FNIP1: variants seen among roughly 807,000 people sequenced by gnomAD.
The protein encoded by FNIP1 is folliculin-interacting protein 1.
Under a neutral mutation model 124.5 loss-of-function variants are expected in FNIP1, and 40 were observed. The ratio of observed to expected loss-of-function variants is 0.32; its 90% confidence interval spans 0.25 to 0.42. The LOEUF is 0.42. FNIP1 is among the 10% of genes least tolerant of loss of function. FNIP1 has a pLI of 1.00. For synonymous variants in FNIP1, 472 were observed against 470.6 expected, an observed-to-expected ratio of 1.00 and a Z score of -0.04; for missense variants, 1,176 against 1,403.7, an observed-to-expected ratio of 0.84 and a Z score of 2.59.
chr5:131,710,342 G>A (rs749705783), intron 7 of FNIP1, among the ~76,000 whole-genome samples: 1 of 152,170 alleles, frequency 6.6e-6, no homozygotes, highest in Non-Finnish European at 1.5e-5. Flanking sequence ...TGCCACAAGA[G>A]AAATGACAAA....
At chr5:131,682,335 A>C (rs929470519) in intron 11 of FNIP1, among the ~76,000 whole-genome samples, 1 of 152,230 alleles carries the variant, frequency 6.6e-6, no homozygotes. Flanking sequence ...CTATGGCCTC[A>C]GAGTGTTATC....
chr5:131,745,539 T>C (rs1770648314), intron 1 of FNIP1, among the ~76,000 whole-genome samples: 1 of 151,952 alleles, frequency 6.6e-6, no homozygotes, highest in African/African-American at 2.4e-5. Flanking sequence ...AAATAAAAAA[T>C]AAATAAATTG....
intron 1 of FNIP1, among the ~76,000 whole-genome samples, chr5:131,745,923 A>C (rs1770662228): frequency 1.3e-5 from 2 of 152,246 alleles, no homozygotes; most frequent in Admixed American, 1.3e-4. Flanking sequence ...ATTTTCTAGG[A>C]GTAAGGTGGA....
intron 3 of FNIP1, among the ~76,000 whole-genome samples, chr5:131,724,758 G>A (rs948860278): frequency 1.3e-5 from 2 of 152,142 alleles, no homozygotes. Context: ...TGCTGTTTTA[G>A]TCATAAAGTC....
intron 1 of FNIP1, among the ~76,000 whole-genome samples, chr5:131,780,891 T>C (rs1399565555): frequency 1.3e-5 from 2 of 152,172 alleles, no homozygotes; most frequent in Non-Finnish European, 2.9e-5. Flanking sequence ...TCTCTCACTG[T>C]AAATCAAAAG....
At chr5:131,701,054 G>A (rs1768884863) in intron 10 of FNIP1, among the ~76,000 whole-genome samples, 1 of 152,208 alleles carries the variant, frequency 6.6e-6, no homozygotes, top group Non-Finnish European at 1.5e-5. Context: ...ATTGGGTCGA[G>A]CAAGCAAGTG....
chr5:131,760,264 G>A (rs1771183068), intron 1 of FNIP1, among the ~76,000 whole-genome samples: 3 of 151,792 alleles, frequency 2.0e-5, no homozygotes, highest in Admixed American at 2.0e-4. Context: ...AGAAATCAGG[G>A]TGTTAATTTT....
chr5:131,727,422 G>A (rs1045021707), intron 3 of FNIP1, among the ~76,000 whole-genome samples: 2 of 152,052 alleles, frequency 1.3e-5, no homozygotes, highest in South Asian at 2.1e-4. Flanking sequence ...ATTATGTAAT[G>A]CCCTTCTTTG....
chr5:131,676,055 A>G (rs916993445), intron 13 of FNIP1, among the ~76,000 whole-genome samples: 2 of 138,884 alleles, frequency 1.4e-5, no homozygotes, highest in African/African-American at 5.5e-5. Context: ...AGAGTCTTGC[A>G]CTGTTGCCCA....
At chr5:131,750,014 A>G (rs1770816870) in intron 1 of FNIP1, among the ~76,000 whole-genome samples, 1 of 152,174 alleles carries the variant, frequency 6.6e-6, no homozygotes, top group African/African-American at 2.4e-5. Context: ...ATTTCCAGGC[A>G]ATGCTGTACA....
intron 1 of FNIP1, among the ~76,000 whole-genome samples, chr5:131,766,616 A>C (rs2149575035): frequency 6.6e-6 from 1 of 152,358 alleles, no homozygotes; most frequent in East Asian, 1.9e-4. Context: ...GAGATTACAG[A>C]GGCTGAGAAG....
intron 10 of FNIP1, 140 bp downstream of exon 10, chr5:131,703,925 A>G (rs890909904): frequency 1.4e-5 from 9 of 633,386 alleles, no homozygotes; most frequent in Non-Finnish European, 2.4e-5. Context: ...AAAGGGTTCA[A>G]TCTATTTGCA....
chr5:131,701,345 A>G (rs1208378673), intron 10 of FNIP1, among the ~76,000 whole-genome samples: 3 of 152,188 alleles, frequency 2.0e-5, no homozygotes, highest in Non-Finnish European at 2.9e-5. Flanking sequence ...AACACTTGAA[A>G]AGTAATCTTT....
intron 1 of FNIP1, among the ~76,000 whole-genome samples, chr5:131,783,852 T>C (rs1478491844): frequency 6.6e-6 from 1 of 151,916 alleles, no homozygotes; most frequent in Non-Finnish European, 1.5e-5. Flanking sequence ...AGCATAAAGA[T>C]AGAACAAAGA....
chr5:131,706,567 C>T (rs181044181), intron 8 of FNIP1, 21 bp from the exon 9 acceptor site: 1 of 1,546,778 alleles, frequency 6.5e-7, no homozygotes, highest in Admixed American at 2.0e-5. Flanking sequence ...AGAAGAACAA[C>T]AAGTATAAGT....
chr5:131,654,768 A>T (rs1485556315), intron 15 of FNIP1, among the ~76,000 whole-genome samples: 2 of 152,216 alleles, frequency 1.3e-5, no homozygotes, highest in Non-Finnish European at 2.9e-5. Context: ...ATTCGGTAAG[A>T]GTAAGAATCA....
At chr5:131,679,273 T>C in intron 11 of FNIP1, 98 bp from the exon 12 acceptor site, 2 of 728,934 alleles carry the variant, frequency 2.7e-6, no homozygotes, top group Middle Eastern at 2.4e-4. Context: ...TCCTTACATC[T>C]AGATTATTAA....
At chr5:131,762,853 A>G (rs115777433) in intron 1 of FNIP1, among the ~76,000 whole-genome samples, 5,455 of 152,302 alleles carry the variant, frequency 0.036, 123 homozygotes, top group East Asian at 0.11. Flanking sequence ...TTCAGTCATA[A>G]AAAAGAATGA....
intron 1 of FNIP1, among the ~76,000 whole-genome samples, chr5:131,758,677 G>GT (rs1314969275): frequency 4.6e-5 from 7 of 152,134 alleles, no homozygotes; most frequent in South Asian, 2.1e-4. Context: ...TGCTCTGCAT[G>GT]TTTTTTTATC....
Sources: allele counts gnomAD v4.1 joint callset (sites outside exome capture counted in the v4.1 genomes callset), GRCh38; gene constraint gnomAD v4.1.1; transcripts MANE v1.5; gene names NCBI Gene and HGNC (gene_info 2026-07-23, HGNC 2026-07-21).